GLS: variants seen among roughly 807,000 people sequenced by gnomAD.
GLS encodes glutaminase kidney isoform, mitochondrial.
GLS carries 36 observed loss-of-function variants against 86.7 expected under a neutral mutation model. That is an observed-to-expected ratio of 0.42 (90% CI 0.32 to 0.55). The LOEUF is 0.55. Ranked by LOEUF, GLS falls within the 20% of genes least tolerant of loss-of-function variation. GLS has a pLI of 0.17. For synonymous variants in GLS, 317 were observed against 305.9 expected, an observed-to-expected ratio of 1.04 and a Z score of -0.38; for missense variants, 528 against 833.4, an observed-to-expected ratio of 0.63 and a Z score of 4.51.
At chr2:190,902,932 A>T (rs1445628761) in intron 5 of GLS, among the ~76,000 whole-genome samples, 1 of 152,200 alleles carries the variant, frequency 6.6e-6, no homozygotes, top group Non-Finnish European at 1.5e-5. Flanking sequence ...TGAAAAGTTT[A>T]TATCAGAGTT....
At chr2:190,959,437 T>C (rs1195804134) in intron 17 of GLS, among the ~76,000 whole-genome samples, 1 of 152,186 alleles carries the variant, frequency 6.6e-6, no homozygotes, top group Non-Finnish European at 1.5e-5. Context: ...GTTAATATTG[T>C]TATGTGTGAA....
intron 11 of GLS, 158 bp from the exon 12 acceptor site, chr2:190,927,148 C>G: frequency 1.6e-6 from 1 of 622,680 alleles, no homozygotes; most frequent in Admixed American, 3.6e-5. Flanking sequence ...GGACTTCGGT[C>G]AACTAAAATC....
chr2:190,898,285 A>G (rs1417929572), intron 3 of GLS, among the ~76,000 whole-genome samples: 4 of 152,246 alleles, frequency 2.6e-5, no homozygotes, highest in Non-Finnish European at 5.9e-5. Context: ...AGTTATAAAC[A>G]CTTAAGGAAA....
chr2:190,917,872 T>G (rs1689592574), intron 7 of GLS, among the ~76,000 whole-genome samples: 2 of 152,078 alleles, frequency 1.3e-5, no homozygotes, highest in Admixed American at 1.3e-4. Context: ...GAGGATTGCT[T>G]GAGCCCAGGA....
rs1690057495 is a variant in GLS, at chr2:190,930,117, AGTG to A, written c.1426-319_1426-317del. 6.7e-6 allele frequency among the ~76,000 whole-genome samples: 1 copy of A among 149,392 alleles called. No homozygotes were observed. Among genetic ancestry groups the A allele is most frequent in the South Asian group, 2.1e-4 (1 of 4,718 alleles). On this transcript the variant is annotated intron_variant, in intron 12 of 17. Transcript: ENST00000320717. This position sits in a 1 kb window ranked among gnomAD's most constrained non-coding sequence, Gnocchi z 5.0. ...GATCTTGCTCTGTCATCCAGGCTGG[AGTG>A]CAGTGGTGCGATCATGGCTCACTGT... is the stretch of plus-strand genomic sequence containing the variant.
rs758488716 is a variant in GLS at position 190,947,118 on chromosome 2, C to CA, written c.1651-6447_1651-6446insA. 2.2e-4 allele frequency among the ~76,000 whole-genome samples: 33 copies of CA among 152,254 alleles called. No homozygotes were observed. The highest frequency in any genetic ancestry group is 1.4e-3 in the South Asian group (7 of 4,828). ...GAGTATATAATTCTAATAATTGCTA[C>CA]TTACTCATAAGTACAGAATTATTAG... is the stretch of plus-strand genomic sequence containing the variant. On this transcript the variant is annotated intron_variant, in intron 14 of 17. Coordinates refer to ENST00000320717, the MANE Select transcript of GLS (RefSeq NM_014905.5). This position sits in a 1 kb window ranked among gnomAD's most constrained non-coding sequence, Gnocchi z 5.0.
intron 7 of GLS, among the ~76,000 whole-genome samples, chr2:190,910,731 A>G (rs998593879): frequency 2.0e-5 from 3 of 151,802 alleles, no homozygotes; most frequent in Admixed American, 2.0e-4. Flanking sequence ...ATATGTGGGA[A>G]CAAATGTTCT....
rs1159277064 is a variant in GLS at position 190,953,226 on chromosome 2, A to T, written c.1651-339A>T. On this transcript the variant is annotated intron_variant, in intron 14 of 17. Transcript: ENST00000320717. This position sits in a 1 kb window ranked among gnomAD's most constrained non-coding sequence, Gnocchi z 4.0. ...ATCAGCATACAGACTTCCTCACAAT[A>T]TTGAGACATAGAAAATGGGAAGGCT... Among the ~76,000 whole-genome samples, 1 of 152,256 alleles carries T rather than the reference A, an allele frequency of 6.6e-6. No individual in the cohort carries two copies. Among genetic ancestry groups the T allele is most frequent in the Non-Finnish European group, 1.5e-5 (1 of 68,040 alleles).
intron 14 of GLS, among the ~76,000 whole-genome samples, chr2:190,936,932 A>T (rs1224523308): frequency 6.6e-6 from 1 of 151,316 alleles, no homozygotes; most frequent in Non-Finnish European, 1.5e-5. Flanking sequence ...ATACGATCAG[A>T]ATACTTAACG....
In GLS at chr2:190,949,609, C is replaced by G. The variant is rs567677326; in HGVS notation, c.1651-3956C>G. On this transcript the variant is annotated intron_variant, in intron 14 of 17. Coordinates refer to ENST00000320717, the MANE Select transcript of GLS (RefSeq NM_014905.5). This position sits in a 1 kb window ranked among gnomAD's most constrained non-coding sequence, Gnocchi z 4.0. ...TCCAGAGGCTGAGGTGGGAGAATCA[C>G]TTGAACCCGAGAGGCGAAGGTTGTA... is the stretch of plus-strand genomic sequence containing the variant. 6.6e-6 allele frequency among the ~76,000 whole-genome samples: 1 copy of G among 152,188 alleles called. No individual in the cohort carries two copies. Among genetic ancestry groups the G allele is most frequent in the South Asian group, 2.1e-4 (1 of 4,822 alleles).
At chr2:190,883,764 A>T (rs1424631409) in intron 1 of GLS, among the ~76,000 whole-genome samples, 1 of 152,224 alleles carries the variant, frequency 6.6e-6, no homozygotes, top group Non-Finnish European at 1.5e-5. Context: ...GCTGATAAAT[A>T]AGTTCAGAGT....
rs1378561610 is a variant in GLS at position 190,947,301 on chromosome 2, A to G, written c.1651-6264A>G. Reference sequence around the variant, plus strand: ...GTTTTGGAAAAAAGTGAGATTTGCTATGCCAAGCATGCCAGTGTTAAGTGA... The same window carrying G: ...GTTTTGGAAAAAAGTGAGATTTGCTGTGCCAAGCATGCCAGTGTTAAGTGA... On this transcript the variant is annotated intron_variant, in intron 14 of 17. Transcript: ENST00000320717. This position sits in a 1 kb window ranked among gnomAD's most constrained non-coding sequence, Gnocchi z 5.0. Among the ~76,000 whole-genome samples, 1 of 152,202 alleles carries G rather than the reference A, an allele frequency of 6.6e-6. No individual in the cohort carries two copies. The highest frequency in any genetic ancestry group is 2.4e-5 in the African/African-American group (1 of 41,448).
At chr2:190,885,884 T>A in intron 1 of GLS, among the ~76,000 whole-genome samples, 1 of 151,920 alleles carries the variant, frequency 6.6e-6, no homozygotes, top group South Asian at 2.1e-4. Flanking sequence ...TTTATTTATT[T>A]ATTTTTGAGG....
intron 14 of GLS, 68 bp downstream of exon 14, chr2:190,931,705 T>C (rs1690109978): frequency 1.4e-6 from 1 of 721,180 alleles, no homozygotes; most frequent in Non-Finnish European, 2.4e-6. Flanking sequence ...GATTTGCCTG[T>C]ATAAATAAAA....
chr2:190,944,139 T>G (rs1690520449), intron 14 of GLS, among the ~76,000 whole-genome samples: 1 of 152,258 alleles, frequency 6.6e-6, no homozygotes, highest in African/African-American at 2.4e-5. Flanking sequence ...TATTTATTTA[T>G]TTTTAATTTA....
At position 190,903,953 on chromosome 2, in the gene GLS, G is replaced by C. The variant is rs543826869; in HGVS notation, c.816-1051G>C. 5.3e-5 allele frequency among the ~76,000 whole-genome samples: 8 copies of C among 152,234 alleles called. No individual in the cohort carries two copies. The East Asian group carries it at 1.5e-3, about 29-fold the overall frequency. Reference sequence around the variant, plus strand: ...ATCAGTAAGTAAATCAAAGATCTCTGCCTTTGTGAAGCTTACATTATAATT... The same window carrying C: ...ATCAGTAAGTAAATCAAAGATCTCTCCCTTTGTGAAGCTTACATTATAATT... On this transcript the variant is annotated intron_variant, in intron 5 of 17. Transcript: ENST00000320717.
At chr2:190,903,242 A>C (rs536318651) in intron 5 of GLS, among the ~76,000 whole-genome samples, 1 of 152,234 alleles carries the variant, frequency 6.6e-6, no homozygotes, top group Admixed American at 6.5e-5. Context: ...TCAAGTACTT[A>C]CAGTAAAAAA....
Position 190,921,477 on chromosome 2 carries a change from G to A in GLS, c.1130+274G>A, listed in dbSNP as rs1360568803. Among the ~76,000 whole-genome samples the A allele has an allele frequency of 6.6e-6, 1 of 151,766 alleles. No individual in the cohort carries two copies. The highest frequency in any genetic ancestry group is 1.5e-5 in the Non-Finnish European group (1 of 67,800). ...TTCTATTTCTGTTCCAGGCTATCTG[G>A]ATTTTTACCCCAATTTTTTATTTTA... is the stretch of plus-strand genomic sequence containing the variant. On this transcript the variant is annotated intron_variant, in intron 9 of 17. Coordinates refer to ENST00000320717, the MANE Select transcript of GLS (RefSeq NM_014905.5). The surrounding 1 kb of genome is among the most constrained non-coding windows in gnomAD (Gnocchi z 4.2).
At position 190,954,703 on chromosome 2, in the gene GLS, A is replaced by G; in HGVS notation, c.1789+43A>G. On this transcript the variant is annotated intron_variant, in intron 16 of 17. Transcript: ENST00000320717. The surrounding 1 kb of genome is among the most constrained non-coding windows in gnomAD (Gnocchi z 4.0). The stretch of plus-strand genomic sequence containing the variant: ...CCTATCTATTTTCTTTCCAGATTTA[A>G]TTTCTACTTAGTACTAAAATCTGCT... The G allele has an allele frequency of 6.2e-7, 1 of 1,609,566 alleles. No homozygotes were observed. Among genetic ancestry groups the G allele is most frequent in the Non-Finnish European group, 8.5e-7 (1 of 1,175,978 alleles).
Sources: allele counts gnomAD v4.1 joint callset (sites outside exome capture counted in the v4.1 genomes callset), GRCh38; gene constraint gnomAD v4.1.1; non-coding constraint Gnocchi (gnomAD v3.1); transcripts MANE v1.5; gene names NCBI Gene and HGNC (gene_info 2026-07-23, HGNC 2026-07-21).